The following FSTL4 variants were observed in gnomAD, a reference collection of about 807,000 sequenced individuals.
FSTL4 encodes the protein follistatin-related protein 4.
FSTL4 carries 28 observed loss-of-function variants against 78.2 expected under a neutral mutation model. The observed-to-expected ratio is 0.36, with a 90% CI of 0.27 to 0.49. The LOEUF (loss-of-function observed/expected upper bound fraction) is 0.49, where lower values mean the gene tolerates loss of function less well. Among genes scored for constraint, FSTL4 ranks in the 20% least tolerant of loss-of-function variants. FSTL4 has a pLI of 0.98. For synonymous variants in FSTL4, 422 were observed against 440.5 expected (o/e 0.96, Z 0.53); for missense variants, 922 against 1,084.9 (o/e 0.85, Z 2.11).
chr5:133,470,811 T>C (rs1268738379), intron 3 of FSTL4, among the ~76,000 whole-genome samples: 4 of 144,858 alleles, frequency 2.8e-5, no homozygotes, highest in African/African-American at 1.0e-4. Flanking sequence ...TAAAAATAAA[T>C]AAATAAAAAC....
the FSTL4 span, among the ~76,000 whole-genome samples, chr5:133,771,516 A>G: frequency 1.3e-5 from 2 of 152,044 alleles, no homozygotes; most frequent in Admixed American, 1.3e-4. Context: ...TGCTTTCTTG[A>G]TTTGGTCCTC....
the FSTL4 span, among the ~76,000 whole-genome samples, chr5:133,669,749 C>T: frequency 6.6e-6 from 1 of 152,204 alleles, no homozygotes; most frequent in Admixed American, 6.5e-5. Flanking sequence ...CTGCGAGTGC[C>T]TCTGCCTTCT....
At chr5:133,509,337 C>T (rs1441830371) in intron 3 of FSTL4, among the ~76,000 whole-genome samples, 1 of 152,162 alleles carries the variant, frequency 6.6e-6, no homozygotes, top group Non-Finnish European at 1.5e-5. Flanking sequence ...ACAGCAAAGA[C>T]CTGGCCAACC....
chr5:133,591,044 T>G (rs942594377), intron 2 of FSTL4, among the ~76,000 whole-genome samples: 23 of 152,242 alleles, frequency 1.5e-4, no homozygotes, highest in African/African-American at 5.5e-4. Context: ...CACATGCTTT[T>G]TGGGGAACAC....
chr5:133,566,233 C>A (rs1032718110), intron 3 of FSTL4, among the ~76,000 whole-genome samples: 3 of 152,136 alleles, frequency 2.0e-5, no homozygotes, highest in East Asian at 3.8e-4. Flanking sequence ...GTTTGTGTTA[C>A]CAAGGTCCCA....
chr5:133,330,607 A>G (rs1013188933), intron 4 of FSTL4, among the ~76,000 whole-genome samples: 2 of 152,210 alleles, frequency 1.3e-5, no homozygotes, highest in African/African-American at 2.4e-5. Context: ...TTTCAACATG[A>G]GATTTCAGGG....
intron 3 of FSTL4, among the ~76,000 whole-genome samples, chr5:133,535,339 G>A (rs867401035): frequency 1.1e-4 from 17 of 152,218 alleles, no homozygotes; most frequent in African/African-American, 3.9e-4. Context: ...TGGCCATAAC[G>A]CCCAAGCTGG....
chr5:133,496,981 C>T (rs1758379223), intron 3 of FSTL4, among the ~76,000 whole-genome samples: 1 of 152,190 alleles, frequency 6.6e-6, no homozygotes, highest in Non-Finnish European at 1.5e-5. Context: ...CTCACTTGTC[C>T]CCTAGGGGTA....
At chr5:133,344,865 C>T (rs1754662865) in intron 4 of FSTL4, among the ~76,000 whole-genome samples, 1 of 152,154 alleles carries the variant, frequency 6.6e-6, no homozygotes, top group African/African-American at 2.4e-5. Context: ...TTTTGTTTCA[C>T]TGGATACCTG....
chr5:133,521,806 C>A (rs1311074870), intron 3 of FSTL4, among the ~76,000 whole-genome samples: 3 of 152,130 alleles, frequency 2.0e-5, no homozygotes, highest in Non-Finnish European at 4.4e-5. Flanking sequence ...CATGACACTG[C>A]ACCCATCTTT....
chr5:133,606,874 A>C (rs910462922), intron 1 of FSTL4, among the ~76,000 whole-genome samples: 1 of 152,226 alleles, frequency 6.6e-6, no homozygotes, highest in Admixed American at 6.5e-5. Flanking sequence ...ATTAAAATAA[A>C]ATATATTCAT....
intron 3 of FSTL4, among the ~76,000 whole-genome samples, chr5:133,461,174 T>A (rs988716348): frequency 6.6e-6 from 1 of 152,212 alleles, no homozygotes; most frequent in African/African-American, 2.4e-5. Context: ...AATCACTTAC[T>A]CAAATTCCAT....
At position 133,245,081 on chromosome 5, in the gene FSTL4, C is replaced by T. The variant is rs1204260537; in HGVS notation, c.894+4329G>A. On this transcript the variant is annotated intron_variant, in intron 7 of 15. Coordinates refer to ENST00000265342, the MANE Select transcript of FSTL4 (RefSeq NM_015082.2). ...GCTGCAGTGAGCCAAGATCATGCCA[C>T]TGTGCTCCAGTCTGGGTGACAGAGA... Among the ~76,000 whole-genome samples the T allele has an allele frequency of 4.7e-5, 7 of 148,446 alleles. No homozygotes were observed. The South Asian group carries it at 6.4e-4, about 14-fold the overall frequency.
At chr5:133,647,560 C>G in the FSTL4 span, among the ~76,000 whole-genome samples, 2 of 152,164 alleles carry the variant, frequency 1.3e-5, no homozygotes, top group Admixed American at 1.3e-4. Context: ...GAAGAATAAT[C>G]TCCCAAATCC....
chr5:133,462,135 C>T (rs996520492), intron 3 of FSTL4, among the ~76,000 whole-genome samples: 1 of 152,222 alleles, frequency 6.6e-6, no homozygotes, highest in Non-Finnish European at 1.5e-5. Context: ...AGACACAGAT[C>T]TCAAGACCAC....
At chr5:133,650,438 T>A in the FSTL4 span, among the ~76,000 whole-genome samples, 1 of 152,262 alleles carries the variant, frequency 6.6e-6, no homozygotes, top group Non-Finnish European at 1.5e-5. Context: ...ATTTGCATTT[T>A]AAATGTATGT....
chr5:133,443,784 CA>C (rs1757208513), intron 3 of FSTL4, among the ~76,000 whole-genome samples: 1 of 152,224 alleles, frequency 6.6e-6, no homozygotes, highest in African/African-American at 2.4e-5. Context: ...CCCCTTGCAC[CA>C]TATTCCAGCC....
chr5:133,541,923 T>TACCGACACACAC (rs1554069675), intron 3 of FSTL4, among the ~76,000 whole-genome samples: 1 of 66,940 alleles, frequency 1.5e-5, no homozygotes, highest in Non-Finnish European at 3.0e-5. Context: ...TAGAGAATGT[T>TACCGACACACAC]ACAGACACAC....
At chr5:133,742,653 G>C in the FSTL4 span, among the ~76,000 whole-genome samples, 2 of 152,122 alleles carry the variant, frequency 1.3e-5, no homozygotes, top group Non-Finnish European at 2.9e-5. Context: ...CAGAGAGGTG[G>C]AAAGGACACC....
Sources: allele counts gnomAD v4.1 joint callset (sites outside exome capture counted in the v4.1 genomes callset), GRCh38; gene constraint gnomAD v4.1.1; transcripts MANE v1.5; gene names NCBI Gene and HGNC (gene_info 2026-07-23, HGNC 2026-07-21).